The following GABRB3 variants were observed in gnomAD, a reference collection of about 807,000 sequenced individuals.
GABRB3 encodes gamma-aminobutyric acid type A receptor subunit beta3, also known as gamma-aminobutyric acid receptor subunit beta-3.
GABRB3 carries 14 observed loss-of-function variants against 52.1 expected under a neutral mutation model. That is an observed-to-expected ratio of 0.27 (90% CI 0.18 to 0.42). The LOEUF is 0.42. GABRB3 is among the 10% of genes least tolerant of loss of function. The probability of loss-of-function intolerance (pLI) is 1.00; values close to 1 mark genes in which losing one functional copy is unlikely to be tolerated. For missense variants in GABRB3, 307 were observed against 609.1 expected (o/e 0.50, Z 5.22); for synonymous variants, 260 against 232.3 (o/e 1.12, Z -1.08).
intron 3 of GABRB3, among the ~76,000 whole-genome samples, chr15:26,719,527 T>C (rs1264532724): frequency 6.6e-6 from 1 of 152,246 alleles, no homozygotes; most frequent in Non-Finnish European, 1.5e-5. Flanking sequence ...GGGTAAAAGC[T>C]AAGTTTTAAA....
chr15:26,576,095 T>C (rs1890580373), intron 6 of GABRB3, among the ~76,000 whole-genome samples: 1 of 152,252 alleles, frequency 6.6e-6, no homozygotes, highest in Admixed American at 6.5e-5. Context: ...GATCAGTGTG[T>C]TCACAGTGAT....
At chr15:26,606,764 C>CTATAGATAGATAGATA (rs1891812353) in intron 4 of GABRB3, among the ~76,000 whole-genome samples, 1 of 45,830 alleles carries the variant, frequency 2.2e-5, no homozygotes, top group African/African-American at 6.0e-5. Context: ...ACATATCTGT[C>CTATAGATAGATAGATA]TATCTATAGA....
At chr15:26,723,970 T>C (rs536524488) in intron 3 of GABRB3, among the ~76,000 whole-genome samples, 1 of 152,310 alleles carries the variant, frequency 6.6e-6, no homozygotes, top group South Asian at 2.1e-4. Context: ...ATGGGCACAT[T>C]CCTCAGCAGG....
chr15:26,620,881 C>A (rs960718449), intron 4 of GABRB3, among the ~76,000 whole-genome samples: 1 of 152,252 alleles, frequency 6.6e-6, no homozygotes, highest in African/African-American at 2.4e-5. Flanking sequence ...GTGGCACTAC[C>A]TCAATAAAGC....
At chr15:26,695,907 G>A (rs1888724556) in intron 3 of GABRB3, among the ~76,000 whole-genome samples, 1 of 152,174 alleles carries the variant, frequency 6.6e-6, no homozygotes, top group African/African-American at 2.4e-5. Flanking sequence ...TTCAGGCATG[G>A]AGAGGCAATT....
intron 4 of GABRB3, among the ~76,000 whole-genome samples, chr15:26,618,244 C>A (rs1290430284): frequency 6.6e-6 from 1 of 152,004 alleles, no homozygotes; most frequent in African/African-American, 2.4e-5. Flanking sequence ...CTGGAGGCAT[C>A]ACGCTACCTG....
At chr15:26,710,922 GTTCTCCTGGGAGACTGTTTTTGAC>G (rs1443145696) in intron 3 of GABRB3, among the ~76,000 whole-genome samples, 5 of 143,018 alleles carry the variant, frequency 3.5e-5, no homozygotes, top group Non-Finnish European at 6.0e-5. Flanking sequence ...CCATCTCTCA[GTTCTCCTGGGAGACTGTTTTTGAC>G]TTCTCCTGGG....
intron 3 of GABRB3, among the ~76,000 whole-genome samples, chr15:26,648,871 T>C (rs367845335): frequency 7.2e-5 from 11 of 152,142 alleles, no homozygotes; most frequent in African/African-American, 2.6e-4. Flanking sequence ...AGGGGGTGCC[T>C]TCAGAATGTG....
At chr15:26,555,163 G>C (rs567209036) in intron 8 of GABRB3, among the ~76,000 whole-genome samples, 1 of 152,216 alleles carries the variant, frequency 6.6e-6, no homozygotes, top group East Asian at 1.9e-4. Context: ...CAGCCTGGGC[G>C]ACAGAGCGAG....
rs1344020540 is a variant in GABRB3, at chr15:26,561,106, A to G, written c.906T>C (p.Tyr302=). The change falls in exon 8 of 9, where the codon TAT becomes TAC. Residue 302 remains tyrosine (Y), a synonymous_variant. Coordinates refer to ENST00000311550, the MANE Select transcript of GABRB3 (RefSeq NM_000814.6). ...HLRETLPKIP[Y]VKAIDMYLMG... is the part of the protein sequence containing the mutation. ...TAAGGTACATGTCAATGGCTTTGACATAGGGGATTTTGGGCAAGGTCTCCC... is the reference window on the plus strand; with the variant it reads ...TAAGGTACATGTCAATGGCTTTGACGTAGGGGATTTTGGGCAAGGTCTCCC... 2 of 1,614,236 alleles carry G rather than the reference A, an allele frequency of 1.2e-6. No homozygotes were observed. Among genetic ancestry groups the G allele is most frequent in the South Asian group, 2.2e-5 (2 of 91,084 alleles).
chr15:26,737,459 T>C (rs1254004968), intron 3 of GABRB3, among the ~76,000 whole-genome samples: 1 of 152,194 alleles, frequency 6.6e-6, no homozygotes, highest in Non-Finnish European at 1.5e-5. Context: ...AGGCCCCTGC[T>C]ATGTGTATGT....
chr15:26,707,963 C>A (rs1270053963), intron 3 of GABRB3, among the ~76,000 whole-genome samples: 3 of 152,164 alleles, frequency 2.0e-5, no homozygotes, highest in Admixed American at 6.5e-5. Flanking sequence ...ATCAATTGAT[C>A]ATCCCCAACC....
chr15:26,577,538 A>G (rs1014717075), intron 6 of GABRB3, among the ~76,000 whole-genome samples: 4 of 152,138 alleles, frequency 2.6e-5, no homozygotes, highest in Non-Finnish European at 5.9e-5. Context: ...ACAAACAAAA[A>G]ACTCCAAGAA....
At chr15:26,759,697 T>G (rs1007676362) in intron 3 of GABRB3, among the ~76,000 whole-genome samples, 1 of 152,224 alleles carries the variant, frequency 6.6e-6, no homozygotes, top group Non-Finnish European at 1.5e-5. Flanking sequence ...CTCTTCCTTT[T>G]GATCTGGATT....
At chr15:26,572,984 AT>A (rs1222130700) in intron 6 of GABRB3, among the ~76,000 whole-genome samples, 1 of 152,206 alleles carries the variant, frequency 6.6e-6, no homozygotes, top group Non-Finnish European at 1.5e-5. Context: ...AATTTATATC[AT>A]TCTCTAGGCA....
At chr15:26,593,240 G>T (rs1349159888) in intron 4 of GABRB3, among the ~76,000 whole-genome samples, 1 of 152,064 alleles carries the variant, frequency 6.6e-6, no homozygotes, top group African/African-American at 2.4e-5. Context: ...AGATTTATTA[G>T]AGCAGGACCA....
Position 26,585,865 on chromosome 15 carries a change from T to C in GABRB3, c.462-2451A>G, listed in dbSNP as rs537625696. On this transcript the variant is annotated intron_variant, in intron 4 of 8. Transcript: ENST00000311550. The stretch of plus-strand genomic sequence containing the variant: ...CAACTCTGGCATGTGTTATGGCAGA[T>C]TGACAACCCAATAACCACACAAGAT... Among the ~76,000 whole-genome samples, 111 of 152,304 alleles carry C rather than the reference T, an allele frequency of 7.3e-4. 1 individual carries two copies. The highest frequency in any genetic ancestry group is 2.2e-3 in the African/African-American group (90 of 41,568).
chr15:26,712,289 C>T (rs1369331221), intron 3 of GABRB3, among the ~76,000 whole-genome samples: 1 of 151,904 alleles, frequency 6.6e-6, no homozygotes, highest in African/African-American at 2.4e-5. Flanking sequence ...GCTGGGATTA[C>T]AGACATGAGC....
At chr15:26,747,640 G>A (rs1009918360) in intron 3 of GABRB3, among the ~76,000 whole-genome samples, 1 of 152,112 alleles carries the variant, frequency 6.6e-6, no homozygotes, top group African/African-American at 2.4e-5. Context: ...GATTTATTAT[G>A]TGGATAACCA....
Sources: gnomAD v4.1 joint callset for allele counts (sites outside exome capture counted in the v4.1 genomes callset) on GRCh38, gnomAD v4.1.1 for gene constraint, MANE v1.5 for transcripts, NCBI Gene and HGNC (gene_info 2026-07-23, HGNC 2026-07-21) for gene names.